The following MAD1L1 variants were observed in gnomAD, a reference collection of about 807,000 sequenced individuals.
MAD1L1 encodes mitotic spindle assembly checkpoint protein MAD1.
MAD1L1 carries 95 observed loss-of-function variants against 96.9 expected under a neutral mutation model. The observed-to-expected ratio is 0.98, with a 90% CI of 0.83 to 1.16. The LOEUF (loss-of-function observed/expected upper bound fraction) is 1.16, where lower values mean the gene tolerates loss of function less well. Ranked by LOEUF, MAD1L1 falls within the 50% of genes most tolerant of loss-of-function variation. The pLI, the probability that MAD1L1 is intolerant of heterozygous loss-of-function variation, is 0.00. For missense variants in MAD1L1, 1,007 were observed against 954.4 expected (o/e 1.06, Z -0.73); for synonymous variants, 473 against 396.6 (o/e 1.19, Z -2.29).
intron 5 of MAD1L1, chr7:2,220,994 CCA>C: frequency 1.2e-6 from 2 of 1,612,462 alleles, no homozygotes; most frequent in South Asian, 2.2e-5. Context: ...TAAGATAATT[CCA>C]GAGTAAGGAG....
intron 17 of MAD1L1, among the ~76,000 whole-genome samples, chr7:1,902,294 G>A (rs1337802673): frequency 3.3e-5 from 5 of 152,192 alleles, no homozygotes; most frequent in Non-Finnish European, 7.3e-5. Context: ...GGGCCGGGAT[G>A]TCAGGATAAA....
At chr7:1,914,779 A>AATTATTATT (rs112216025) in intron 17 of MAD1L1, among the ~76,000 whole-genome samples, 48 of 151,580 alleles carry the variant, frequency 3.2e-4, no homozygotes, top group East Asian at 1.2e-3. Flanking sequence ...ACACCCGGCT[A>AATTATTATT]ATTATTATTA....
chr7:1,945,851 G>A (rs55684109), intron 16 of MAD1L1, among the ~76,000 whole-genome samples: 5,153 of 152,294 alleles, frequency 0.034, 188 homozygotes, highest in Admixed American at 0.097. Context: ...AGGCAGTGGG[G>A]GAGGGACCAC....
intron 18 of MAD1L1, among the ~76,000 whole-genome samples, chr7:1,817,292 C>A (rs1333903654): frequency 6.6e-6 from 1 of 152,170 alleles, no homozygotes; most frequent in East Asian, 1.9e-4. Flanking sequence ...GAGCTGGACG[C>A]AGAGTCCATG....
At chr7:2,089,093 C>T (rs1786076756) in intron 11 of MAD1L1, 1 of 152,304 alleles carries the variant, frequency 6.6e-6, no homozygotes, top group African/African-American at 2.4e-5. Flanking sequence ...ACACGGCCGA[C>T]TCGGGCCCTG....
intron 10 of MAD1L1, among the ~76,000 whole-genome samples, chr7:2,157,402 G>GTC (rs907633784): frequency 2.0e-5 from 3 of 152,136 alleles, no homozygotes; most frequent in African/African-American, 7.2e-5. Flanking sequence ...CCTCACATGC[G>GTC]TAAGAACCCG....
chr7:1,950,847 G>A (rs976705443), intron 16 of MAD1L1, among the ~76,000 whole-genome samples: 1 of 152,352 alleles, frequency 6.6e-6, no homozygotes, highest in Admixed American at 6.5e-5. Context: ...TCTGCCACCC[G>A]TGCTCCTCGT....
intron 16 of MAD1L1, among the ~76,000 whole-genome samples, chr7:1,950,152 G>A (rs1230823140): frequency 9.2e-5 from 14 of 152,208 alleles, no homozygotes; most frequent in African/African-American, 3.1e-4. Flanking sequence ...AGCAGACGCA[G>A]GGGTCTGGCA....
At chr7:1,820,316 G>GT (rs1463635353) in intron 18 of MAD1L1, among the ~76,000 whole-genome samples, 1 of 152,180 alleles carries the variant, frequency 6.6e-6, no homozygotes, top group Non-Finnish European at 1.5e-5. Context: ...CTCAATGCCT[G>GT]TATCAGGAAA....
rs528776622 is a variant in MAD1L1 at position 1,851,982 on chromosome 7, A to G, written c.1999-35754T>C. Among the ~76,000 whole-genome samples, 28 of 152,180 alleles carry G rather than the reference A, an allele frequency of 1.8e-4. 1 individual carries two copies. Among genetic ancestry groups the G allele is most frequent in the Non-Finnish European group, 3.5e-4 (24 of 68,010 alleles). ...CAGGGCCCGGCACGGGTGGGCGGAC[A>G]GTGTCAGCGGCAACGAGAGGGGCTG... On this transcript the variant is annotated intron_variant, in intron 18 of 18. Coordinates refer to ENST00000265854, the MANE Select transcript of MAD1L1 (RefSeq NM_001013836.2).
intron 11 of MAD1L1, among the ~76,000 whole-genome samples, chr7:2,125,226 C>A (rs1788175323): frequency 6.6e-6 from 1 of 152,144 alleles, no homozygotes; most frequent in Non-Finnish European, 1.5e-5. Context: ...TGCACTCCAG[C>A]AGGTCCTGGA....
chr7:1,882,842 G>T (rs1158418856), intron 18 of MAD1L1, among the ~76,000 whole-genome samples: 1 of 152,238 alleles, frequency 6.6e-6, no homozygotes, highest in Non-Finnish European at 1.5e-5. Context: ...AGGTGAGAAG[G>T]CACTGGCAGT....
At chr7:1,902,038 G>A (rs1787278275) in intron 17 of MAD1L1, among the ~76,000 whole-genome samples, 1 of 152,200 alleles carries the variant, frequency 6.6e-6, no homozygotes, top group Non-Finnish European at 1.5e-5. Context: ...AGAACAGCAG[G>A]TGTTCAAGTG....
At chr7:1,816,887 C>CCA (rs1357751235) in intron 18 of MAD1L1, 1 of 152,054 alleles carries the variant, frequency 6.6e-6, no homozygotes, top group Non-Finnish European at 1.5e-5. Flanking sequence ...AGAGCCAGCC[C>CCA]CACCCCGGTC....
chr7:2,098,506 C>T (rs1205247525), intron 11 of MAD1L1, among the ~76,000 whole-genome samples: 1 of 152,186 alleles, frequency 6.6e-6, no homozygotes, highest in African/African-American at 2.4e-5. Flanking sequence ...CCATGCCGTA[C>T]GCAGCAGCAG....
chr7:2,210,763 C>T (rs1792897209), intron 10 of MAD1L1, among the ~76,000 whole-genome samples: 1 of 152,246 alleles, frequency 6.6e-6, no homozygotes, highest in South Asian at 2.1e-4. Context: ...TGCCCTCTAC[C>T]AGGCCCACAG....
intron 10 of MAD1L1, among the ~76,000 whole-genome samples, chr7:2,196,420 C>T (rs557273488): frequency 6.6e-6 from 1 of 152,190 alleles, no homozygotes; most frequent in East Asian, 1.9e-4. Context: ...CCAACAAGGC[C>T]GTCTCCAACT....
intron 10 of MAD1L1, among the ~76,000 whole-genome samples, chr7:2,191,635 G>A (rs73041308): frequency 0.025 from 3,788 of 152,180 alleles, 83 homozygotes; most frequent in Middle Eastern, 0.051. Flanking sequence ...AGAGGCTCAG[G>A]TGGGAGAATG....
intron 5 of MAD1L1, among the ~76,000 whole-genome samples, chr7:2,220,722 G>A (rs1384275001): frequency 6.6e-6 from 1 of 152,238 alleles, no homozygotes; most frequent in African/African-American, 2.4e-5. Flanking sequence ...GGGAAGGCCC[G>A]CATGGGGGCT....
Sources: allele counts gnomAD v4.1 joint callset (sites outside exome capture counted in the v4.1 genomes callset), GRCh38; gene constraint gnomAD v4.1.1; transcripts MANE v1.5; gene names NCBI Gene and HGNC (gene_info 2026-07-23, HGNC 2026-07-21).